The following ART3 variants were observed in gnomAD, a reference collection of about 807,000 sequenced individuals.
ART3 encodes ADP-ribosyltransferase 3 (inactive).
Under a neutral mutation model 48.5 loss-of-function variants are expected in ART3, and 49 were observed. That is an observed-to-expected ratio of 1.01 (90% confidence interval 0.80 to 1.28). The LOEUF is 1.28. ART3 is among the 50% of genes most tolerant of loss of function. The pLI, the probability that ART3 is intolerant of heterozygous loss-of-function variation, is 0.00. For synonymous variants in ART3, 145 were observed against 157.2 expected (o/e 0.92, Z 0.58); for missense variants, 438 against 454.3 (o/e 0.96, Z 0.33).
chr4:76,061,571 C>T (rs966654209), intron 1 of ART3, among the ~76,000 whole-genome samples: 1 of 152,206 alleles, frequency 6.6e-6, no homozygotes, highest in African/African-American at 2.4e-5. Flanking sequence ...TTCCCATTGC[C>T]ATTTCAGTCA....
chr4:76,106,336 G>T, intron 10 of ART3: 1 of 985,346 alleles, frequency 1.0e-6, no homozygotes, highest in Non-Finnish European at 1.2e-6. Flanking sequence ...AGTACAGATG[G>T]TCTCCAAGTT....
chr4:76,088,248 CT>C (rs33947322), intron 3 of ART3, among the ~76,000 whole-genome samples: 89,244 of 147,500 alleles, frequency 0.61, 27,111 homozygotes, highest in East Asian at 0.97. Context: ...CCTGAACTCT[CT>C]TTTTTTTTTT....
intron 4 of ART3, 22 bp from the exon 5 acceptor site, chr4:76,098,933 T>C (rs1235075758): frequency 6.3e-7 from 1 of 1,593,988 alleles, no homozygotes; most frequent in East Asian, 2.2e-5. Flanking sequence ...TACCATGTAA[T>C]GAAAACATGT....
At chr4:76,086,446 T>C (rs1723597259) in intron 3 of ART3, among the ~76,000 whole-genome samples, 1 of 152,102 alleles carries the variant, frequency 6.6e-6, no homozygotes, top group Admixed American at 6.5e-5. Flanking sequence ...AATGAAACAG[T>C]AGTTACCACA....
exon 1 of ART3, chr4:76,011,294 C>G (rs1731764612): frequency 6.6e-6 from 1 of 152,520 alleles, no homozygotes; most frequent in Admixed American, 6.5e-5. Flanking sequence ...CAGCCGGAGG[C>G]GAAGAGAAGC....
chr4:76,099,763 C>G (rs1726851281), intron 5 of ART3, among the ~76,000 whole-genome samples: 1 of 152,212 alleles, frequency 6.6e-6, no homozygotes, highest in African/African-American at 2.4e-5. Flanking sequence ...TGGCCCAAAT[C>G]ATTTCTTTGC....
At chr4:76,086,745 G>A (rs113846710) in intron 3 of ART3, among the ~76,000 whole-genome samples, 8 of 152,110 alleles carry the variant, frequency 5.3e-5, no homozygotes, top group African/African-American at 1.9e-4. Context: ...AAAAAGGAAA[G>A]GTGCTCATTC....
intron 3 of ART3, among the ~76,000 whole-genome samples, chr4:76,085,445 C>T (rs1426923830): frequency 6.6e-6 from 1 of 152,150 alleles, no homozygotes; most frequent in Non-Finnish European, 1.5e-5. Context: ...AGGAAGTCCT[C>T]ACTCTTAGGG....
chr4:76,092,486 A>G (rs1355310710), intron 3 of ART3, among the ~76,000 whole-genome samples: 2 of 152,188 alleles, frequency 1.3e-5, no homozygotes, highest in African/African-American at 4.8e-5. Flanking sequence ...GCTTCTGACA[A>G]AAAAATCTGC....
intron 3 of ART3, among the ~76,000 whole-genome samples, chr4:76,084,564 T>C (rs908826405): frequency 1.1e-4 from 16 of 152,074 alleles, no homozygotes; most frequent in African/African-American, 3.6e-4. Context: ...ATCTGGAAGG[T>C]TTTAGGTTGT....
At chr4:76,019,432 G>A (rs1732558657) in intron 1 of ART3, among the ~76,000 whole-genome samples, 1 of 148,450 alleles carries the variant, frequency 6.7e-6, no homozygotes, top group South Asian at 2.2e-4. Context: ...GAAGATCAGT[G>A]TACTGTACAC....
chr4:76,095,652 A>G (rs1355809212), intron 3 of ART3, among the ~76,000 whole-genome samples: 2 of 152,242 alleles, frequency 1.3e-5, no homozygotes, highest in East Asian at 3.8e-4. Flanking sequence ...TGTAGCAATA[A>G]TAGTCCTGGC....
chr4:76,109,446 C>T (rs137995756), intron 11 of ART3, among the ~76,000 whole-genome samples: 1 of 152,132 alleles, frequency 6.6e-6, no homozygotes, highest in East Asian at 1.9e-4. Flanking sequence ...TCCTGAAGGA[C>T]CTGCCTCAGG....
chr4:76,014,459 C>T (rs984118610), intron 1 of ART3, among the ~76,000 whole-genome samples: 1 of 152,028 alleles, frequency 6.6e-6, no homozygotes, highest in Non-Finnish European at 1.5e-5. Context: ...AAGAAAGAAT[C>T]TGCAAATCTG....
At chr4:76,102,031 T>C (rs578219881) in intron 8 of ART3, among the ~76,000 whole-genome samples, 1 of 152,128 alleles carries the variant, frequency 6.6e-6, no homozygotes, top group African/African-American at 2.4e-5. Context: ...AAGAGATCAA[T>C]TGGCTTTATT....
chr4:76,049,741 G>A (rs1031863981), intron 1 of ART3, among the ~76,000 whole-genome samples: 7 of 151,910 alleles, frequency 4.6e-5, no homozygotes, highest in East Asian at 1.9e-4. Flanking sequence ...GGCGATAGGC[G>A]ATGGTCTTAC....
At chr4:76,015,624 T>G (rs1005345150) in intron 1 of ART3, among the ~76,000 whole-genome samples, 2 of 152,228 alleles carry the variant, frequency 1.3e-5, no homozygotes, top group African/African-American at 4.8e-5. Flanking sequence ...CTTATATGTA[T>G]AAAGGTTTGA....
At chr4:76,029,714 G>A (rs1578234889) in intron 1 of ART3, among the ~76,000 whole-genome samples, 1 of 152,018 alleles carries the variant, frequency 6.6e-6, no homozygotes, top group Non-Finnish European at 1.5e-5. Flanking sequence ...GGCATATTAG[G>A]TCCTGTACTC....
upstream of ART3, among the ~76,000 whole-genome samples, chr4:76,073,569 G>A (rs952607952): frequency 6.6e-6 from 1 of 152,056 alleles, no homozygotes; most frequent in African/African-American, 2.4e-5. Flanking sequence ...TAATATATGT[G>A]TGTACAAAAA....
Sources: gnomAD v4.1 joint callset for allele counts (sites outside exome capture counted in the v4.1 genomes callset) on GRCh38, gnomAD v4.1.1 for gene constraint, MANE v1.5 for transcripts, NCBI Gene and HGNC (gene_info 2026-07-23, HGNC 2026-07-21) for gene names.